Variants in KIAA1328 observed in about 807,000 individuals in gnomAD.
The protein encoded by KIAA1328 is protein hinderin.
Under a neutral mutation model 68.1 loss-of-function variants are expected in KIAA1328, and 52 were observed. The ratio of observed to expected loss-of-function variants is 0.76; its 90% confidence interval spans 0.61 to 0.96. The LOEUF is 0.96. Among genes scored for constraint, KIAA1328 ranks in the 40% least tolerant of loss-of-function variants. The probability of loss-of-function intolerance (pLI) is 0.00; values close to 1 mark genes in which losing one functional copy is unlikely to be tolerated. For missense variants in KIAA1328, 641 were observed against 677.6 expected, an observed-to-expected ratio of 0.95 and a Z score of 0.60; for synonymous variants, 232 against 239.4, an observed-to-expected ratio of 0.97 and a Z score of 0.28.
intron 5 of KIAA1328, among the ~76,000 whole-genome samples, chr18:36,927,654 G>A (rs2050167848): frequency 6.6e-6 from 1 of 152,148 alleles, no homozygotes; most frequent in Non-Finnish European, 1.5e-5. Context: ...TTGGGAGGTT[G>A]AGGTGGGAGA....
At chr18:37,111,410 T>C in intron 7 of KIAA1328, among the ~76,000 whole-genome samples, 1 of 152,206 alleles carries the variant, frequency 6.6e-6, no homozygotes, top group East Asian at 1.9e-4. Context: ...GATTAGTGTT[T>C]GATTGGGTAA....
intron 7 of KIAA1328, among the ~76,000 whole-genome samples, chr18:37,068,146 C>G (rs1156600224): frequency 6.6e-6 from 1 of 152,098 alleles, no homozygotes; most frequent in Non-Finnish European, 1.5e-5. Flanking sequence ...ATGCAGAATC[C>G]TTTGCTGTTT....
intron 5 of KIAA1328, among the ~76,000 whole-genome samples, chr18:36,945,109 TTA>T (rs2050852782): frequency 6.6e-6 from 1 of 152,218 alleles, no homozygotes; most frequent in Non-Finnish European, 1.5e-5. Flanking sequence ...ATGGGCTAAC[TTA>T]TGTAGTATTC....
chr18:36,832,797 A>T lies in KIAA1328; in HGVS notation c.59-1523A>T, dbSNP rs2046538073. 6 of 151,610 alleles carry T rather than the reference A, an allele frequency of 4.0e-5. No homozygotes were observed. The South Asian group carries it at 1.0e-3, about 26-fold the overall frequency. The allele number at this position is 151,610 out of a possible 1,614,324, so 9.4% of individuals were successfully genotyped here. A position where few individuals can be genotyped will look rare whatever the true frequency, so the allele number is the denominator to read the frequency against. On this transcript the variant is annotated intron_variant, in intron 1 of 9. Transcript: ENST00000280020. ...CTCTTGGTGCCTACATTTTAGTGAG[A>T]TGAGATCAGGTCATGAATAAGGAAA...
chr18:36,970,436 G>C (rs2052145175), intron 6 of KIAA1328, among the ~76,000 whole-genome samples: 1 of 152,224 alleles, frequency 6.6e-6, no homozygotes, highest in Admixed American at 6.5e-5. Flanking sequence ...ACTCAACGTA[G>C]TATTGGAAGT....
chr18:37,212,999 G>T (rs1047069309), intron 9 of KIAA1328, among the ~76,000 whole-genome samples: 3 of 152,266 alleles, frequency 2.0e-5, no homozygotes, highest in African/African-American at 7.2e-5. Context: ...GATTACAGGC[G>T]TGCGCCACTG....
intron 9 of KIAA1328, among the ~76,000 whole-genome samples, chr18:37,205,902 G>A (rs971174518): frequency 6.6e-6 from 1 of 152,112 alleles, no homozygotes; most frequent in Admixed American, 6.5e-5. Context: ...CTTTAATGGG[G>A]GTGGTTGAAT....
Position 36,879,281 on chromosome 18 carries a change from C to G in KIAA1328, c.333-6276C>G, listed in dbSNP as rs140026757. Among the ~76,000 whole-genome samples, 1,001 of 152,226 alleles carry G rather than the reference C, an allele frequency of 6.6e-3. 11 individuals are homozygous for G. Among genetic ancestry groups the G allele is most frequent in the African/African-American group, 0.023 (939 of 41,508 alleles). On this transcript the variant is annotated intron_variant, in intron 4 of 9. Coordinates refer to ENST00000280020, the MANE Select transcript of KIAA1328 (RefSeq NM_020776.3). ...TTTTCCTTCTAATAGTCAGTCCCCTCTTCTGCAGGTCTGCTGGAGTTTGCT... is the reference window on the plus strand; with the variant it reads ...TTTTCCTTCTAATAGTCAGTCCCCTGTTCTGCAGGTCTGCTGGAGTTTGCT...
chr18:37,101,555 A>T (rs1203213888), intron 7 of KIAA1328, among the ~76,000 whole-genome samples: 1 of 152,238 alleles, frequency 6.6e-6, no homozygotes, highest in Non-Finnish European at 1.5e-5. Flanking sequence ...TGTACCTGAA[A>T]GTGACGGGGA....
intron 5 of KIAA1328, among the ~76,000 whole-genome samples, chr18:36,922,825 T>G (rs2049978223): frequency 6.6e-6 from 1 of 152,112 alleles, no homozygotes; most frequent in Non-Finnish European, 1.5e-5. Context: ...TCAAGTTACT[T>G]AGGTTAGAAT....
At chr18:37,227,203 G>A (rs2060644852), downstream of KIAA1328, among the ~76,000 whole-genome samples, 1 of 152,216 alleles carries the variant, frequency 6.6e-6, no homozygotes, top group Non-Finnish European at 1.5e-5. Context: ...AGAGGTTTAA[G>A]GAAAGAGACC....
intron 6 of KIAA1328, among the ~76,000 whole-genome samples, chr18:36,994,238 C>T (rs1020145877): frequency 1.3e-5 from 2 of 152,178 alleles, no homozygotes; most frequent in Non-Finnish European, 2.9e-5. Context: ...CTCCTCTGTG[C>T]CTGTCCCTGG....
intron 8 of KIAA1328, among the ~76,000 whole-genome samples, chr18:37,167,217 G>T (rs1157475649): frequency 6.6e-6 from 1 of 152,160 alleles, no homozygotes; most frequent in Non-Finnish European, 1.5e-5. Context: ...GATGTTTACA[G>T]CTCCTGAAGC....
rs182158132 is a variant in KIAA1328, at chr18:36,858,768, C to T, written c.332+14466C>T. On this transcript the variant is annotated intron_variant, in intron 4 of 9. Coordinates refer to ENST00000280020, the MANE Select transcript of KIAA1328 (RefSeq NM_020776.3). ...CTAGGACTAGACTGGGTTTTTGGGA[C>T]GAATTCCACAGAGGTGAAGTGCCCT... Among the ~76,000 whole-genome samples, 7 of 152,132 alleles carry T rather than the reference C, an allele frequency of 4.6e-5. No individual in the cohort carries two copies. In the East Asian group the frequency reaches 5.8e-4, roughly 13 times the overall value.
intron 6 of KIAA1328, among the ~76,000 whole-genome samples, chr18:36,980,853 C>T (rs896527103): frequency 6.6e-6 from 1 of 152,198 alleles, no homozygotes; most frequent in African/African-American, 2.4e-5. Flanking sequence ...TTGCCTGCCA[C>T]AGGCCATCCC....
At chr18:37,216,980 T>G (rs376905479) in intron 9 of KIAA1328, among the ~76,000 whole-genome samples, 8 of 106,476 alleles carry the variant, frequency 7.5e-5, no homozygotes, top group South Asian at 5.1e-4. Context: ...TTTTTTTTTG[T>G]TTTTTTTTTG....
chr18:36,926,998 A>G (rs2050143520), intron 5 of KIAA1328, among the ~76,000 whole-genome samples: 1 of 152,164 alleles, frequency 6.6e-6, no homozygotes, highest in Admixed American at 6.5e-5. Flanking sequence ...AACTCTTTTA[A>G]ACAACAAGAT....
chr18:37,151,367 T>G (rs1452945091), intron 7 of KIAA1328, among the ~76,000 whole-genome samples: 2 of 152,174 alleles, frequency 1.3e-5, no homozygotes, highest in African/African-American at 2.4e-5. Flanking sequence ...AGTCTTAGAT[T>G]CAATGCAATT....
intron 7 of KIAA1328, among the ~76,000 whole-genome samples, chr18:37,109,410 CT>C (rs1203775063): frequency 5.3e-5 from 8 of 152,030 alleles, no homozygotes; most frequent in Non-Finnish European, 1.0e-4. Context: ...TAAGAATTAG[CT>C]TTTTTGTATG....
Sources: gnomAD v4.1 joint callset for allele counts (sites outside exome capture counted in the v4.1 genomes callset) on GRCh38, gnomAD v4.1.1 for gene constraint, MANE v1.5 for transcripts, NCBI Gene and HGNC (gene_info 2026-07-23, HGNC 2026-07-21) for gene names.